TMEM14B: variants seen among roughly 807,000 people sequenced by gnomAD.
TMEM14B encodes transmembrane protein 14B.
Under a neutral mutation model 14.8 loss-of-function variants are expected in TMEM14B, and 9 were observed. The observed-to-expected ratio is 0.61, with a 90% confidence interval of 0.37 to 1.06. TMEM14B has a LOEUF of 1.06. Among genes scored for constraint, TMEM14B ranks in the 50% least tolerant of loss-of-function variants. The pLI is 0.01. For missense variants in TMEM14B, 128 were observed against 143.6 expected, an observed-to-expected ratio of 0.89 and a Z score of 0.56; for synonymous variants, 40 against 51.3, an observed-to-expected ratio of 0.78 and a Z score of 0.94.
At chr6:10,750,325 C>T (rs1429436359) in intron 3 of TMEM14B, among the ~76,000 whole-genome samples, 3 of 150,320 alleles carry the variant, frequency 2.0e-5, no homozygotes, top group South Asian at 2.1e-4. Context: ...CACTTTGAGA[C>T]GAATTAAGAG....
intron 2 of TMEM14B, 43 bp from the exon 3 acceptor site, chr6:10,749,579 C>T (rs1771467453): frequency 6.2e-7 from 1 of 1,607,190 alleles, no homozygotes; most frequent in African/African-American, 1.3e-5. Context: ...TTTTTAAATC[C>T]AGGTTAGCAC....
intron 5 of TMEM14B, 117 bp from the exon 6 acceptor site, chr6:10,756,350 C>A: frequency 2.4e-6 from 3 of 1,230,172 alleles, no homozygotes; most frequent in Non-Finnish European, 3.4e-6. Flanking sequence ...ACCACTCTTG[C>A]CTTAGTACCT....
chr6:10,751,172 G>T lies in TMEM14B; in HGVS notation c.140G>T (p.Ser47Ile), dbSNP rs1199200790. ...CTGGCTGCAGGGCTGCTCTTCGGCA[G>T]TCTAGCCGGCCTGGGTGCTTACCAG... is the stretch of plus-strand genomic sequence containing the variant. ...PSLAAGLLFG[S>I]LAGLGAYQLY... The change falls in exon 4 of 6, where the codon AGT becomes ATT. Residue 47 changes from serine to isoleucine, a missense_variant. Ser to Ile is a moderately radical substitution (Grantham distance 142). Coordinates refer to ENST00000379542, the MANE Select transcript of TMEM14B (RefSeq NM_030969.5). 2.5e-6 allele frequency: 4 copies of T among 1,613,872 alleles called. No individual in the cohort carries two copies. The African/African-American group carries it at 4.0e-5, about 16-fold the overall frequency.
chr6:10,752,975 C>T (rs1056549909), intron 4 of TMEM14B: 2 of 152,100 alleles, frequency 1.3e-5, no homozygotes, highest in Admixed American at 6.5e-5. Flanking sequence ...GTGGCTCACT[C>T]GTATAATCCC....
chr6:10,750,907 G>A (rs979044446), intron 3 of TMEM14B, among the ~76,000 whole-genome samples: 12 of 152,002 alleles, frequency 7.9e-5, no homozygotes, highest in African/African-American at 2.7e-4. Context: ...TTCCTTAGAT[G>A]GAAGTGCCCT....
At chr6:10,756,216 T>A (rs1009481636) in intron 5 of TMEM14B, among the ~76,000 whole-genome samples, 1 of 152,168 alleles carries the variant, frequency 6.6e-6, no homozygotes, top group African/African-American at 2.4e-5. Flanking sequence ...CATTTCTTCA[T>A]CTCTTCAAAT....
At chr6:10,753,175 G>A (rs902070431) in intron 4 of TMEM14B, among the ~76,000 whole-genome samples, 21 of 150,648 alleles carry the variant, frequency 1.4e-4, no homozygotes, top group Admixed American at 4.0e-4. Flanking sequence ...AGTGGAGGTC[G>A]CGGTGAGCCG....
downstream of TMEM14B, chr6:10,758,844 A>T (rs189017630): frequency 2.1e-4 from 34 of 162,984 alleles, no homozygotes; most frequent in East Asian, 1.3e-3. Flanking sequence ...CAATATATAC[A>T]GTGCCTCAAA....
downstream of TMEM14B, among the ~76,000 whole-genome samples, chr6:10,757,718 C>T (rs552001136): frequency 1.3e-4 from 20 of 152,226 alleles, no homozygotes; most frequent in Admixed American, 2.6e-4. Flanking sequence ...GAGCTGGGCG[C>T]GGTGGCTCAC....
At chr6:10,759,268 G>A (rs761469287), downstream of TMEM14B, 2 of 151,972 alleles carry the variant, frequency 1.3e-5, no homozygotes, top group Non-Finnish European at 2.9e-5. Context: ...TTACTATTTA[G>A]TTTACTATTC....
intron 4 of TMEM14B, among the ~76,000 whole-genome samples, chr6:10,754,056 C>T (rs556948658): frequency 1.3e-4 from 20 of 152,138 alleles, no homozygotes; most frequent in South Asian, 8.3e-4. Context: ...GGCGGATTGC[C>T]GAGCTCAGGA....
chr6:10,753,482 A>C (rs1360245310), intron 4 of TMEM14B, among the ~76,000 whole-genome samples: 1 of 151,700 alleles, frequency 6.6e-6, no homozygotes, highest in Non-Finnish European at 1.5e-5. Flanking sequence ...CTCTTTTGGC[A>C]ACCTATTTTC....
intron 4 of TMEM14B, among the ~76,000 whole-genome samples, chr6:10,752,338 G>A (rs549627490): frequency 2.0e-4 from 30 of 151,704 alleles, no homozygotes; most frequent in Non-Finnish European, 4.0e-4. Context: ...CTCCCTGACC[G>A]TCTCCAGACC....
chr6:10,756,735 CAT>C lies in TMEM14B; in HGVS notation c.*219_*220del. On this transcript the variant is annotated 3_prime_UTR_variant, in exon 6 of 6. Transcript: ENST00000379542. ...TGTAACATGAGCTTATTGAGACCAT[CAT>C]AGAGATCGATTCTTGTATATTGATT... 2 of 1,231,982 alleles carry C rather than the reference CAT, an allele frequency of 1.6e-6. No individual in the cohort carries two copies. The allele number at this position is 1,231,982 out of a possible 1,614,324, so 76.3% of individuals were successfully genotyped here. A position where few individuals can be genotyped will look rare whatever the true frequency, so the allele number is the denominator to read the frequency against.
downstream of TMEM14B, among the ~76,000 whole-genome samples, chr6:10,758,150 T>A (rs1452072006): frequency 6.6e-6 from 1 of 152,148 alleles, no homozygotes; most frequent in African/African-American, 2.4e-5. Flanking sequence ...AGGGCTCTTG[T>A]GTTGCAGTGG....
At chr6:10,751,299 C>T (rs1771555623) in intron 4 of TMEM14B, 65 bp downstream of exon 4, 1 of 1,579,256 alleles carries the variant, frequency 6.3e-7, no homozygotes, top group Non-Finnish European at 8.7e-7. Context: ...CCAAAAGACC[C>T]TGGTTTGGTG....
chr6:10,749,345 C>G, intron 2 of TMEM14B, 77 bp downstream of exon 2: 1 of 1,564,524 alleles, frequency 6.4e-7, no homozygotes. Flanking sequence ...CTGAAAAGAA[C>G]CCTAAGAGTA....
intron 4 of TMEM14B, chr6:10,752,778 G>C (rs952133027): frequency 5.9e-5 from 9 of 152,288 alleles, no homozygotes; most frequent in African/African-American, 2.2e-4. Context: ...GAGGGAGGGA[G>C]TGGGAGGCCA....
downstream of TMEM14B, among the ~76,000 whole-genome samples, chr6:10,757,610 G>C (rs1007931951): frequency 6.6e-5 from 10 of 152,166 alleles, no homozygotes; most frequent in African/African-American, 2.4e-4. Context: ...CTGGATACTG[G>C]TACGTTTTTA....
Sources: gnomAD v4.1 joint callset for allele counts (sites outside exome capture counted in the v4.1 genomes callset) on GRCh38, gnomAD v4.1.1 for gene constraint, MANE v1.5 for transcripts, NCBI Gene and HGNC (gene_info 2026-07-23, HGNC 2026-07-21) for gene names.